CNKSR3: variants seen among roughly 807,000 people sequenced by gnomAD.
CNKSR3 encodes CNKSR family member 3.
CNKSR3 carries 36 observed loss-of-function variants against 67.7 expected under a neutral mutation model. The observed-to-expected ratio is 0.53, with a 90% CI of 0.41 to 0.70. The LOEUF is 0.70. CNKSR3 is among the 30% of genes least tolerant of loss of function. The probability of loss-of-function intolerance (pLI) is 0.00; values close to 1 mark genes in which losing one functional copy is unlikely to be tolerated. For missense variants in CNKSR3, 630 were observed against 695.2 expected (o/e 0.91, Z 1.05); for synonymous variants, 281 against 271.4 (o/e 1.04, Z -0.35).
intron 1 of CNKSR3, among the ~76,000 whole-genome samples, chr6:154,460,888 T>C (rs1411459401): frequency 6.6e-6 from 1 of 152,138 alleles, no homozygotes; most frequent in African/African-American, 2.4e-5. Flanking sequence ...GCTGCACCCA[T>C]TGCTTGAGTG....
At chr6:154,449,969 C>T in intron 2 of CNKSR3, 126 bp downstream of exon 2, 1 of 969,304 alleles carries the variant, frequency 1.0e-6, no homozygotes, top group Non-Finnish European at 1.5e-6. Flanking sequence ...GTATCTTCAG[C>T]TCATGTTTTA....
chr6:154,453,450 A>C lies in CNKSR3; in HGVS notation c.53-3192T>G, dbSNP rs1369171521. On this transcript the variant is annotated intron_variant, in intron 1 of 12. Transcript: ENST00000607772. ...TGAGAAACTAACCAGAATCTCCTTG[A>C]GGATTATGAGAGAATAGAAGCATTG... 2.0e-5 allele frequency among the ~76,000 whole-genome samples: 3 copies of C among 152,342 alleles called. No homozygotes were observed. The East Asian group carries it at 5.8e-4, about 29-fold the overall frequency.
At chr6:154,458,048 G>A (rs1009454979) in intron 1 of CNKSR3, among the ~76,000 whole-genome samples, 7 of 152,190 alleles carry the variant, frequency 4.6e-5, no homozygotes, top group East Asian at 1.9e-4. Context: ...AATGGAACAC[G>A]GCCATGACTC....
At chr6:154,434,216 T>C (rs1224989633) in intron 4 of CNKSR3, 3 of 152,234 alleles carry the variant, frequency 2.0e-5, no homozygotes, top group African/African-American at 7.2e-5. Context: ...CATTGTCTTG[T>C]CTAAAAGCTG....
At position 154,391,609 on chromosome 6, in the gene CNKSR3, A is replaced by G; in HGVS notation, c.*14745T>C. 1 of 152,246 alleles carries G rather than the reference A, an allele frequency of 6.6e-6. No individual in the cohort carries two copies. Among genetic ancestry groups the G allele is most frequent in the East Asian group, 1.9e-4 (1 of 5,198 alleles). The allele number at this position is 152,246 out of a possible 1,614,324, so 9.4% of individuals were successfully genotyped here. A position where few individuals can be genotyped will look rare whatever the true frequency, so the allele number is the denominator to read the frequency against. On this transcript the variant is annotated 3_prime_UTR_variant, in exon 13 of 13. Coordinates refer to ENST00000607772, the MANE Select transcript of CNKSR3 (RefSeq NM_173515.4). ...ACTGGGGTTAGGACTTCAATATGTG[A>G]ATTTGGAGAGAACGTAATTTAGTTC...
rs1787195013 is a variant in CNKSR3, at chr6:154,510,527, C to G, written c.-413G>C. 5.1e-6 allele frequency: 1 copy of G among 195,112 alleles called. No homozygotes were observed. The highest frequency in any genetic ancestry group is 2.4e-5 in the African/African-American group (1 of 42,144). The allele number at this position is 195,112 out of a possible 1,614,324, so 12.1% of individuals were successfully genotyped here. On this transcript the variant is annotated 5_prime_UTR_variant, in exon 1 of 13. Transcript: ENST00000607772. Reference sequence around the variant, plus strand: ...CTCGGCCGGTCTTCTCGCCTGCTGGCTCTCCGGGGTCCCCGCTCCGCGTGC... The same window carrying G: ...CTCGGCCGGTCTTCTCGCCTGCTGGGTCTCCGGGGTCCCCGCTCCGCGTGC...
intron 12 of CNKSR3, 38 bp downstream of exon 12, chr6:154,410,305 C>A (rs1382345630): frequency 4.2e-5 from 62 of 1,464,656 alleles, no homozygotes; most frequent in Non-Finnish European, 5.5e-5. Context: ...TGTTCACTCC[C>A]CATTTGCTGT....
intron 4 of CNKSR3, among the ~76,000 whole-genome samples, chr6:154,435,317 A>C (rs1785449601): frequency 1.3e-5 from 2 of 152,152 alleles, no homozygotes; most frequent in African/African-American, 4.8e-5. Context: ...AATTAATACA[A>C]GCACTGTCAC....
At chr6:154,507,456 T>C (rs1190588561) in intron 1 of CNKSR3, among the ~76,000 whole-genome samples, 13 of 152,146 alleles carry the variant, frequency 8.5e-5, no homozygotes, top group Non-Finnish European at 1.6e-4. Flanking sequence ...AAATAAAGGT[T>C]GGGTAAAGAG....
chr6:154,433,798 T>G, intron 4 of CNKSR3: 1 of 290,108 alleles, frequency 3.4e-6, no homozygotes, highest in South Asian at 8.3e-5. Context: ...TGAACTGAAA[T>G]CCACCTACTC....
intron 9 of CNKSR3, among the ~76,000 whole-genome samples, chr6:154,419,596 C>T (rs965744263): frequency 6.6e-6 from 1 of 152,052 alleles, no homozygotes; most frequent in Non-Finnish European, 1.5e-5. Flanking sequence ...ACGGAGGTTT[C>T]CTGAAAAATT....
chr6:154,411,633 C>CAAA (rs57943019), intron 10 of CNKSR3, among the ~76,000 whole-genome samples: 54 of 103,144 alleles, frequency 5.2e-4, no homozygotes, highest in Non-Finnish European at 6.9e-4. Context: ...GACTCCATCT[C>CAAA]AAAAAAAAAA....
At chr6:154,505,837 G>T (rs1173517994) in intron 1 of CNKSR3, among the ~76,000 whole-genome samples, 1 of 152,138 alleles carries the variant, frequency 6.6e-6, no homozygotes, top group Non-Finnish European at 1.5e-5. Flanking sequence ...ACTCGAGGCT[G>T]ATCAACAGCC....
chr6:154,506,040 G>T (rs1447881454), intron 1 of CNKSR3, among the ~76,000 whole-genome samples: 1 of 152,198 alleles, frequency 6.6e-6, no homozygotes, highest in Non-Finnish European at 1.5e-5. Context: ...GGTTGGACAG[G>T]AATGAAGATA....
rs910906239 is a variant in CNKSR3 at position 154,459,434 on chromosome 6, G to A, written c.53-9176C>T. Among the ~76,000 whole-genome samples the A allele has an allele frequency of 3.9e-5, 6 of 152,198 alleles. No homozygotes were observed. The East Asian group carries it at 1.2e-3, about 29-fold the overall frequency. On this transcript the variant is annotated intron_variant, in intron 1 of 12. Coordinates refer to ENST00000607772, the MANE Select transcript of CNKSR3 (RefSeq NM_173515.4). Reference sequence around the variant, plus strand: ...GACACCCCACTGGCCATTTTTTGGGGTACCAAGCTGAAAGAACAGTAATGC... The same window carrying A: ...GACACCCCACTGGCCATTTTTTGGGATACCAAGCTGAAAGAACAGTAATGC...
At chr6:154,458,902 T>C (rs982323577) in intron 1 of CNKSR3, among the ~76,000 whole-genome samples, 2 of 152,158 alleles carry the variant, frequency 1.3e-5, no homozygotes, top group Non-Finnish European at 2.9e-5. Context: ...ATTGGAAAGC[T>C]GCCGTGCTTC....
chr6:154,428,240 G>T, intron 6 of CNKSR3, 53 bp from the exon 7 acceptor site: 1 of 1,125,320 alleles, frequency 8.9e-7, no homozygotes, highest in Non-Finnish European at 1.4e-6. Flanking sequence ...TAGAGACATA[G>T]CCCCGAGTGA....
intron 1 of CNKSR3, among the ~76,000 whole-genome samples, chr6:154,460,447 A>C (rs1786054897): frequency 6.6e-6 from 1 of 152,228 alleles, no homozygotes; most frequent in African/African-American, 2.4e-5. Flanking sequence ...TTAAAAATGC[A>C]AAATGAGAGA....
At chr6:154,410,271 A>G in intron 12 of CNKSR3, 72 bp downstream of exon 12, 1 of 1,019,154 alleles carries the variant, frequency 9.8e-7, no homozygotes, top group Non-Finnish European at 1.5e-6. Flanking sequence ...ATTTAGAAAC[A>G]GAGGTGAAAC....
Sources: allele counts gnomAD v4.1 joint callset (sites outside exome capture counted in the v4.1 genomes callset), GRCh38; gene constraint gnomAD v4.1.1; transcripts MANE v1.5; gene names NCBI Gene and HGNC (gene_info 2026-07-23, HGNC 2026-07-21).